Variants in AUTS2 observed in about 807,000 individuals in gnomAD.
AUTS2 encodes the protein autism susceptibility gene 2 protein.
Under a neutral mutation model 112.4 loss-of-function variants are expected in AUTS2, and 17 were observed. The observed-to-expected ratio is 0.15, with a 90% CI of 0.10 to 0.23. The LOEUF is 0.23. Ranked by LOEUF, AUTS2 falls within the 10% of genes least tolerant of loss-of-function variation. The probability of loss-of-function intolerance (pLI) is 1.00; values close to 1 mark genes in which losing one functional copy is unlikely to be tolerated. For synonymous variants in AUTS2, 751 were observed against 702.7 expected (o/e 1.07, Z -1.09); for missense variants, 1,510 against 1,701.6 (o/e 0.89, Z 1.98).
chr7:69,767,184 C>CTTT (rs1248627158), intron 1 of AUTS2, among the ~76,000 whole-genome samples: 2 of 144,872 alleles, frequency 1.4e-5, no homozygotes, highest in African/African-American at 5.0e-5. Flanking sequence ...TTGTCATCGT[C>CTTT]TTTTTTTTTT....
intron 1 of AUTS2, among the ~76,000 whole-genome samples, chr7:69,888,417 A>G (rs1794368564): frequency 1.3e-5 from 2 of 151,276 alleles, no homozygotes; most frequent in Admixed American, 6.6e-5. Context: ...GTGGGAACTA[A>G]CAGAGTAAGA....
intron 2 of AUTS2, among the ~76,000 whole-genome samples, chr7:70,110,868 T>C (rs1253017238): frequency 1.5e-5 from 2 of 137,136 alleles, no homozygotes; most frequent in Non-Finnish European, 3.1e-5. Flanking sequence ...TCTTTTTTTT[T>C]TTTTTTTTTT....
At chr7:70,063,857 G>A (rs1802369565) in intron 2 of AUTS2, among the ~76,000 whole-genome samples, 1 of 152,172 alleles carries the variant, frequency 6.6e-6, no homozygotes, top group Admixed American at 6.5e-5. Context: ...CCTACTCGGG[G>A]TAATCACAAT....
intron 2 of AUTS2, among the ~76,000 whole-genome samples, chr7:70,004,210 A>G (rs1799409270): frequency 7.4e-6 from 1 of 134,536 alleles, no homozygotes; most frequent in African/African-American, 2.7e-5. Flanking sequence ...TATATATATG[A>G]ATGTGTTATA....
intron 1 of AUTS2, among the ~76,000 whole-genome samples, chr7:69,874,576 G>A (rs964587221): frequency 5.9e-5 from 9 of 152,192 alleles, no homozygotes; most frequent in African/African-American, 2.2e-4. Context: ...TAGTAGCAGT[G>A]TAGTCACAGT....
intron 4 of AUTS2, among the ~76,000 whole-genome samples, chr7:70,289,700 A>G (rs572505766): frequency 1.4e-4 from 21 of 152,350 alleles, no homozygotes; most frequent in African/African-American, 5.0e-4. Flanking sequence ...TGGAGTGTTG[A>G]GGATTAGATG....
At chr7:70,136,657 A>G (rs1806579248) in intron 4 of AUTS2, among the ~76,000 whole-genome samples, 1 of 152,198 alleles carries the variant, frequency 6.6e-6, no homozygotes, top group Non-Finnish European at 1.5e-5. Context: ...GCTTCAGGTA[A>G]GTGAAATGGT....
chr7:70,318,190 G>C (rs1790088865), intron 4 of AUTS2, among the ~76,000 whole-genome samples: 1 of 152,112 alleles, frequency 6.6e-6, no homozygotes, highest in South Asian at 2.1e-4. Context: ...TATTGTAGGA[G>C]AAGGGTTGGC....
At chr7:70,684,171 A>G (rs190444054) in intron 5 of AUTS2, among the ~76,000 whole-genome samples, 100 of 152,206 alleles carry the variant, frequency 6.6e-4, no homozygotes, top group Non-Finnish European at 1.2e-3. Context: ...ATTGTATATT[A>G]GCATAGATGC....
rs181266384 is a variant in AUTS2, at chr7:70,247,083, C to T, written c.660+112512C>T. On this transcript the variant is annotated intron_variant, in intron 4 of 18. Coordinates refer to ENST00000342771, the MANE Select transcript of AUTS2 (RefSeq NM_015570.4). ...TTGTTCACCAATGTTCATAGCAGCA[C>T]TATTCAGAATAGTCAAAAGGTAGAA... Among the ~76,000 whole-genome samples, 3 of 152,140 alleles carry T rather than the reference C, an allele frequency of 2.0e-5. No individual in the cohort carries two copies. The East Asian group carries it at 5.8e-4, about 29-fold the overall frequency.
At chr7:69,839,670 G>C (rs1263549824) in intron 1 of AUTS2, among the ~76,000 whole-genome samples, 1 of 152,092 alleles carries the variant, frequency 6.6e-6, no homozygotes, top group Non-Finnish European at 1.5e-5. Context: ...TCTTTGTAAG[G>C]ATAGTAGAGT....
At chr7:70,046,774 T>C (rs1240338813) in intron 2 of AUTS2, among the ~76,000 whole-genome samples, 14 of 152,242 alleles carry the variant, frequency 9.2e-5, no homozygotes, top group Admixed American at 9.2e-4. Context: ...GTCTGCAATT[T>C]TGAGTCTTTG....
At chr7:70,104,339 A>G (rs1273631899) in intron 2 of AUTS2, among the ~76,000 whole-genome samples, 1 of 152,134 alleles carries the variant, frequency 6.6e-6, no homozygotes, top group Non-Finnish European at 1.5e-5. Context: ...CATTGTAAGG[A>G]TAAATTTAAG....
intron 2 of AUTS2, among the ~76,000 whole-genome samples, chr7:70,013,349 T>G: frequency 6.6e-6 from 1 of 152,210 alleles, no homozygotes; most frequent in South Asian, 2.1e-4. Context: ...CCAGCAGAGA[T>G]GAGAAGGATC....
chr7:70,394,275 G>T (rs1793991349), intron 4 of AUTS2, among the ~76,000 whole-genome samples: 1 of 152,164 alleles, frequency 6.6e-6, no homozygotes, highest in African/African-American at 2.4e-5. Flanking sequence ...TGAGTGCCAT[G>T]GTCTCATGTC....
chr7:70,729,302 G>C (rs1787224338), intron 6 of AUTS2: 1 of 394,892 alleles, frequency 2.5e-6, no homozygotes, highest in African/African-American at 2.1e-5. Flanking sequence ...GTTCCTTCCT[G>C]GTCAGGAGCC....
chr7:69,902,547 T>G (rs537600554), intron 2 of AUTS2, among the ~76,000 whole-genome samples: 33 of 152,338 alleles, frequency 2.2e-4, no homozygotes, highest in African/African-American at 7.7e-4. Flanking sequence ...TGCATCTTAT[T>G]AGGAAATGGT....
chr7:70,059,236 A>G (rs993301367), intron 2 of AUTS2, among the ~76,000 whole-genome samples: 7 of 152,224 alleles, frequency 4.6e-5, no homozygotes, highest in African/African-American at 1.7e-4. Flanking sequence ...CAAGAATGTC[A>G]TACAGTTGGA....
chr7:70,407,133 C>G (rs914130311), intron 4 of AUTS2, among the ~76,000 whole-genome samples: 61 of 152,166 alleles, frequency 4.0e-4, no homozygotes, highest in African/African-American at 1.1e-3. Flanking sequence ...GAGGCGGACC[C>G]AGTTGATAGC....
Sources: allele counts gnomAD v4.1 joint callset (sites outside exome capture counted in the v4.1 genomes callset), GRCh38; gene constraint gnomAD v4.1.1; transcripts MANE v1.5; gene names NCBI Gene and HGNC (gene_info 2026-07-23, HGNC 2026-07-21).